The following TNKS variants were observed in gnomAD, a reference collection of about 807,000 sequenced individuals.
TNKS encodes poly [ADP-ribose] polymerase tankyrase-1.
Under a neutral mutation model 135.8 loss-of-function variants are expected in TNKS, and 72 were observed. That is an observed-to-expected ratio of 0.53 (90% CI 0.44 to 0.64). The LOEUF is 0.64. Among genes scored for constraint, TNKS ranks in the 30% least tolerant of loss-of-function variants. The pLI, the probability that TNKS is intolerant of heterozygous loss-of-function variation, is 0.00. For synonymous variants in TNKS, 849 were observed against 649.3 expected (o/e 1.31, Z -4.68); for missense variants, 1,769 against 1,674.0 (o/e 1.06, Z -0.99).
chr8:9,586,992 T>C (rs762396512), intron 2 of TNKS, among the ~76,000 whole-genome samples: 4 of 152,162 alleles, frequency 2.6e-5, no homozygotes, highest in African/African-American at 9.7e-5. Context: ...TTAAAAACTT[T>C]TTATAAGAAG....
At chr8:9,734,748 A>G (rs956862838) in intron 15 of TNKS, 117 bp from the exon 16 acceptor site, 5 of 853,652 alleles carry the variant, frequency 5.9e-6, no homozygotes, top group Non-Finnish European at 9.0e-6. Context: ...TTCAAAATGC[A>G]TATAGAGTAG....
chr8:9,621,637 A>C lies in TNKS; in HGVS notation c.994+5960A>C, dbSNP rs567758359. On this transcript the variant is annotated intron_variant, in intron 3 of 26. Transcript: ENST00000310430. ...TTGTTCTGTTAGTTTGCTGTTTTGCACGTTAGCTATACTATAACCTGGCAT... is the reference window on the plus strand; with the variant it reads ...TTGTTCTGTTAGTTTGCTGTTTTGCCCGTTAGCTATACTATAACCTGGCAT... 2.0e-5 allele frequency among the ~76,000 whole-genome samples: 3 copies of C among 152,236 alleles called. No homozygotes were observed. In the East Asian group the frequency reaches 5.8e-4, roughly 29 times the overall value.
At chr8:9,772,696 C>T (rs557510324) in intron 26 of TNKS, among the ~76,000 whole-genome samples, 6 of 151,776 alleles carry the variant, frequency 4.0e-5, no homozygotes, top group Admixed American at 1.3e-4. Flanking sequence ...TCTGTACTTA[C>T]GTAAGGCAAT....
chr8:9,608,590 C>T (rs1185850178), intron 2 of TNKS, among the ~76,000 whole-genome samples: 1 of 152,132 alleles, frequency 6.6e-6, no homozygotes, highest in Non-Finnish European at 1.5e-5. Flanking sequence ...TTGTCCTGCA[C>T]AGGTACAGCC....
At chr8:9,721,059 A>T (rs1193582163) in intron 12 of TNKS, among the ~76,000 whole-genome samples, 1 of 151,980 alleles carries the variant, frequency 6.6e-6, no homozygotes, top group East Asian at 1.9e-4. Context: ...AGGCAGGCAG[A>T]TCACGAGGAC....
intron 3 of TNKS, among the ~76,000 whole-genome samples, chr8:9,661,648 C>T (rs1161874553): frequency 5.3e-5 from 8 of 152,156 alleles, no homozygotes; most frequent in Non-Finnish European, 8.8e-5. Context: ...AAAACCTAGG[C>T]AATACCATTC....
intron 3 of TNKS, among the ~76,000 whole-genome samples, chr8:9,651,408 GAA>G (rs1801143491): frequency 6.6e-6 from 1 of 152,170 alleles, no homozygotes; most frequent in Non-Finnish European, 1.5e-5. Flanking sequence ...AAGACCACCA[GAA>G]ACATATCTGT....
At chr8:9,631,414 T>C (rs1360691214) in intron 3 of TNKS, among the ~76,000 whole-genome samples, 1 of 152,240 alleles carries the variant, frequency 6.6e-6, no homozygotes, top group Non-Finnish European at 1.5e-5. Context: ...TTATAAGTCA[T>C]AAAATGTACT....
intron 2 of TNKS, among the ~76,000 whole-genome samples, chr8:9,592,407 A>T (rs1339732295): frequency 6.6e-6 from 1 of 152,148 alleles, no homozygotes; most frequent in Non-Finnish European, 1.5e-5. Context: ...GTATTAGGAG[A>T]CAGGAAATAC....
intron 3 of TNKS, among the ~76,000 whole-genome samples, chr8:9,677,292 C>A (rs893450783): frequency 6.6e-6 from 1 of 152,100 alleles, no homozygotes; most frequent in African/African-American, 2.4e-5. Flanking sequence ...AATATATTTC[C>A]TTTTGAAAGC....
intron 5 of TNKS, among the ~76,000 whole-genome samples, chr8:9,701,943 G>C (rs1202066565): frequency 6.6e-6 from 1 of 151,996 alleles, no homozygotes; most frequent in Non-Finnish European, 1.5e-5. Context: ...AAAGATGAGA[G>C]GTAACAAGCC....
At position 9,735,092 on chromosome 8, in the gene TNKS, C is replaced by A; in HGVS notation, c.2533+8C>A. ...CCCCTCTGCACCTGGCAGGTAAGCG[C>A]CCCCAGTGCCTCCAAGCCTCCTTTT... is the stretch of plus-strand genomic sequence containing the variant. On this transcript the variant is annotated splice_region_variant and intron_variant, in intron 16 of 26. Coordinates refer to ENST00000310430, the MANE Select transcript of TNKS (RefSeq NM_003747.3). 4 of 1,610,156 alleles carry A rather than the reference C, an allele frequency of 2.5e-6. No individual in the cohort carries two copies. Among genetic ancestry groups the A allele is most frequent in the Non-Finnish European group, 3.4e-6 (4 of 1,178,450 alleles).
chr8:9,766,299 G>A lies in TNKS; in HGVS notation c.3614G>A (p.Gly1205Glu). 1 of 1,613,868 alleles carries A rather than the reference G, an allele frequency of 6.2e-7. No homozygotes were observed. The highest frequency in any genetic ancestry group is 8.5e-7 in the Non-Finnish European group (1 of 1,179,936). Residue 1205 changes from glycine (G) to glutamate (E), a missense_variant, in exon 25 of 27, where the codon GGA becomes GAA. Coordinates refer to ENST00000310430, the MANE Select transcript of TNKS (RefSeq NM_003747.3). Reference protein sequence around the residue: ...KGFDERHAYIGGMFGAGIYFA... With the variant: ...KGFDERHAYIEGMFGAGIYFA... ...TTTGATGAGCGACATGCATACATAG[G>A]AGGAATGTTTGGGGCCGGGATTTAT...
chr8:9,591,044 G>C (rs1479669004), intron 2 of TNKS, among the ~76,000 whole-genome samples: 1 of 152,182 alleles, frequency 6.6e-6, no homozygotes, highest in Non-Finnish European at 1.5e-5. Context: ...AATGTATTTA[G>C]GTCTGATGCA....
intron 25 of TNKS, 88 bp from the exon 26 acceptor site, chr8:9,770,018 A>C (rs1295258806): frequency 7.9e-6 from 10 of 1,258,210 alleles, no homozygotes; most frequent in Non-Finnish European, 8.5e-6. Context: ...CCTTATGTTA[A>C]ATTTTTAAAA....
intron 20 of TNKS, among the ~76,000 whole-genome samples, chr8:9,759,947 C>T (rs1295489047): frequency 6.6e-6 from 1 of 150,390 alleles, no homozygotes; most frequent in Non-Finnish European, 1.5e-5. Context: ...CACTGCACTC[C>T]AGCCGGGGCG....
intron 12 of TNKS, among the ~76,000 whole-genome samples, chr8:9,724,666 C>G (rs1805074003): frequency 1.3e-5 from 2 of 152,112 alleles, no homozygotes; most frequent in African/African-American, 4.8e-5. Context: ...TATCCTAGGC[C>G]TTATTCAAGA....
intron 3 of TNKS, among the ~76,000 whole-genome samples, chr8:9,645,239 G>A (rs1327113446): frequency 6.6e-6 from 1 of 152,056 alleles, no homozygotes; most frequent in Non-Finnish European, 1.5e-5. Flanking sequence ...GGTGGGGTTT[G>A]TAGAATCCCA....
intron 3 of TNKS, among the ~76,000 whole-genome samples, chr8:9,631,185 A>G (rs1800274838): frequency 6.6e-6 from 1 of 152,218 alleles, no homozygotes; most frequent in South Asian, 2.1e-4. Context: ...AGTTTTTATA[A>G]CATTATGATT....
Sources: gnomAD v4.1 joint callset for allele counts (sites outside exome capture counted in the v4.1 genomes callset) on GRCh38, gnomAD v4.1.1 for gene constraint, MANE v1.5 for transcripts, NCBI Gene and HGNC (gene_info 2026-07-23, HGNC 2026-07-21) for gene names.